NUDT16L1: variants seen among roughly 807,000 people sequenced by gnomAD.
NUDT16L1 encodes nudix hydrolase 16 like 1, also known as tudor-interacting repair regulator protein.
In NUDT16L1, 19 loss-of-function variants were observed where a neutral mutation model predicts 17.3. That is an observed-to-expected ratio of 1.10 (90% CI 0.77 to 1.61). The LOEUF (loss-of-function observed/expected upper bound fraction) is 1.61. Among genes scored for constraint, NUDT16L1 ranks in the 40% most tolerant of loss-of-function variants. The pLI is 0.00. For missense variants in NUDT16L1, 341 were observed against 292.0 expected, an observed-to-expected ratio of 1.17 and a Z score of -1.22; for synonymous variants, 255 against 138.6, an observed-to-expected ratio of 1.84 and a Z score of -5.90.
intron 2 of NUDT16L1, chr16:4,694,442 C>G: frequency 6.6e-7 from 1 of 1,516,544 alleles, no homozygotes; most frequent in Non-Finnish European, 8.8e-7. Flanking sequence ...CGCTGGGGCT[C>G]CCTCAGGGCT....
intron 2 of NUDT16L1, 48 bp from the exon 3 acceptor site, chr16:4,694,910 C>A: frequency 6.4e-7 from 1 of 1,560,444 alleles, no homozygotes; most frequent in Non-Finnish European, 8.6e-7. Flanking sequence ...GCTGGAGGTG[C>A]CATTGTGTGG....
chr16:4,695,587 C>G, exon 3 of NUDT16L1: 1 of 441,558 alleles, frequency 2.3e-6, no homozygotes, highest in Non-Finnish European at 4.0e-6. Context: ...TCAGCTCATT[C>G]CTGCCTCCTT....
In NUDT16L1 at chr16:4,693,828, C is replaced by T. The variant is rs527881913; in HGVS notation, c.102C>T (p.Ala34=). The change falls in exon 1 of 3, where the codon GCC becomes GCT. Residue 34 remains alanine, a synonymous_variant. Coordinates refer to ENST00000304301, the Ensembl canonical transcript of NUDT16L1. ...ACTCGTGCCACGCCATGCTGTACGCCGCCAACCCTGGGCAGCTCTTCGGCC... is the reference window on the plus strand; with the variant it reads ...ACTCGTGCCACGCCATGCTGTACGCTGCCAACCCTGGGCAGCTCTTCGGCC... The T allele has an allele frequency of 4.5e-6, 7 of 1,569,452 alleles. No homozygotes were observed. In the African/African-American group the frequency reaches 7.0e-5, roughly 16 times the overall value.
At chr16:4,694,426 G>T in intron 2 of NUDT16L1, 188 bp downstream of exon 2, 1 of 972,666 alleles carries the variant, frequency 1.0e-6, no homozygotes. Flanking sequence ...CGGGGGTGGG[G>T]GCCGGCGCTG....
chr16:4,695,758 T>C (rs2079528692), exon 3 of NUDT16L1: 3 of 397,802 alleles, frequency 7.5e-6, no homozygotes, highest in Non-Finnish European at 1.3e-5. Flanking sequence ...CGTGGCTTGG[T>C]TCCCAGGGAC....
At chr16:4,694,272 C>G (rs1177918944) in intron 2 of NUDT16L1, 34 bp downstream of exon 2, 2 of 1,460,494 alleles carry the variant, frequency 1.4e-6, no homozygotes, top group Non-Finnish European at 1.8e-6. Flanking sequence ...CCCCCCGCCC[C>G]GGGGTTTGGC....
chr16:4,695,763 AG>A (rs2079528827), exon 3 of NUDT16L1: 1 of 397,606 alleles, frequency 2.5e-6, no homozygotes, highest in Non-Finnish European at 4.4e-6. Context: ...CTTGGTTCCC[AG>A]GGACAGTCAG....
exon 1 of NUDT16L1, chr16:4,693,794 G>A: frequency 6.4e-7 from 1 of 1,572,262 alleles, no homozygotes; most frequent in Non-Finnish European, 8.6e-7. Context: ...CTAGGGCCGG[G>A]CTGGAGCCAC....
chr16:4,695,062 C>T (rs774255112), exon 3 of NUDT16L1: 2 of 1,613,592 alleles, frequency 1.2e-6, no homozygotes, highest in Non-Finnish European at 1.7e-6. Flanking sequence ...AGTGCCAGCT[C>T]CTCTTTGCCC....
At chr16:4,694,692 G>T in intron 2 of NUDT16L1, 1 of 1,420,124 alleles carries the variant, frequency 7.0e-7, no homozygotes, top group Non-Finnish European at 9.2e-7. Context: ...GACGGGGGGA[G>T]CATGGGGTGC....
At chr16:4,693,636 G>A (rs1429057756), upstream of NUDT16L1, 13 of 1,304,152 alleles carry the variant, frequency 1.0e-5, no homozygotes, top group Non-Finnish European at 1.3e-5. Flanking sequence ...CGGACCCGGG[G>A]GCGCGGCCGC....
At chr16:4,694,736 G>C (rs553237843) in intron 2 of NUDT16L1, 39 of 1,426,866 alleles carry the variant, frequency 2.7e-5, no homozygotes, top group African/African-American at 1.9e-4. Context: ...GGTACGAGGG[G>C]GGGGAGTGCA....
exon 1 of NUDT16L1, chr16:4,693,817 A>G (rs1330180106): frequency 6.4e-7 from 1 of 1,572,162 alleles, no homozygotes; most frequent in South Asian, 1.2e-5. Context: ...GTGCCACGCC[A>G]TGCTGTACGC....
At chr16:4,694,361 T>C in intron 2 of NUDT16L1, 123 bp downstream of exon 2, 1 of 1,206,358 alleles carries the variant, frequency 8.3e-7, no homozygotes, top group Non-Finnish European at 1.1e-6. Flanking sequence ...TGTCGCTGTC[T>C]CCAGCAATGG....
intron 2 of NUDT16L1, 37 bp downstream of exon 2, chr16:4,694,275 G>A (rs956550035): frequency 7.5e-6 from 11 of 1,464,708 alleles, no homozygotes; most frequent in South Asian, 1.4e-5. Flanking sequence ...CCCGCCCCGG[G>A]GTTTGGCTCT....
intron 2 of NUDT16L1, chr16:4,694,661 G>C (rs898606075): frequency 3.9e-5 from 55 of 1,419,390 alleles, no homozygotes; most frequent in Non-Finnish European, 4.7e-5. Context: ...TGGACTGCGG[G>C]TGTTCAGGCT....
At chr16:4,695,258 G>T (rs1344077633) in exon 3 of NUDT16L1, 8 of 1,430,418 alleles carry the variant, frequency 5.6e-6, no homozygotes, top group Non-Finnish European at 6.7e-6. Context: ...TAGAGTGTTT[G>T]TGTGTACCCC....
chr16:4,694,218 T>G, exon 2 of NUDT16L1: 1 of 1,520,810 alleles, frequency 6.6e-7, no homozygotes, highest in South Asian at 1.2e-5. Flanking sequence ...CGCGGTGCAC[T>G]CGCGCGACCA....
intron 2 of NUDT16L1, 162 bp from the exon 3 acceptor site, chr16:4,694,796 G>T (rs935032310): frequency 2.1e-6 from 3 of 1,443,354 alleles, no homozygotes; most frequent in Non-Finnish European, 2.7e-6. Context: ...GCACTGCTCC[G>T]AGGGAGCTGG....
Sources: gnomAD v4.1 joint callset for allele counts on GRCh38, gnomAD v4.1.1 for gene constraint, MANE v1.5 for transcripts, NCBI Gene and HGNC (gene_info 2026-07-23, HGNC 2026-07-21) for gene names.